Variants in DNAH11 observed in about 807,000 individuals in gnomAD.
DNAH11 encodes dynein axonemal heavy chain 11.
Under a neutral mutation model 526.0 loss-of-function variants are expected in DNAH11, and 442 were observed. The observed-to-expected ratio is 0.84, with a 90% CI of 0.78 to 0.91. DNAH11 has a LOEUF of 0.91. Among genes scored for constraint, DNAH11 ranks in the 40% least tolerant of loss-of-function variants. DNAH11 has a pLI of 0.00. For synonymous variants in DNAH11, 2,461 were observed against 1,935.9 expected, an observed-to-expected ratio of 1.27 and a Z score of -7.12; for missense variants, 6,989 against 5,448.7, an observed-to-expected ratio of 1.28 and a Z score of -8.90.
At chr7:21,819,479 A>T (rs1282256118) in intron 65 of DNAH11, among the ~76,000 whole-genome samples, 1 of 152,232 alleles carries the variant, frequency 6.6e-6, no homozygotes, top group Non-Finnish European at 1.5e-5. Context: ...GCAACTCTTA[A>T]CATAAATATA....
intron 30 of DNAH11, among the ~76,000 whole-genome samples, chr7:21,664,413 G>GC (rs1782350434): frequency 6.7e-6 from 1 of 149,384 alleles, no homozygotes; most frequent in Admixed American, 6.7e-5. Flanking sequence ...CCTCGCCCCC[G>GC]CCCCCGCAAT....
chr7:21,772,165 CA>C (rs1008968460), intron 55 of DNAH11, among the ~76,000 whole-genome samples: 2 of 152,140 alleles, frequency 1.3e-5, no homozygotes, highest in Admixed American at 1.3e-4. Flanking sequence ...AGCCTGATAA[CA>C]ATAGTTATTT....
chr7:21,775,152 C>A (rs1787617936), intron 56 of DNAH11, among the ~76,000 whole-genome samples: 1 of 152,064 alleles, frequency 6.6e-6, no homozygotes, highest in Non-Finnish European at 1.5e-5. Flanking sequence ...GACTCTGTGA[C>A]AAAACACTGT....
chr7:21,899,205 G>A (rs1784645463), intron 79 of DNAH11, 131 bp from the exon 80 acceptor site: 1 of 715,460 alleles, frequency 1.4e-6, no homozygotes, highest in Non-Finnish European at 2.5e-6. Flanking sequence ...TGTCAGGGAA[G>A]GATTTTACCA....
At chr7:21,870,919 G>A (rs1254453863) in intron 73 of DNAH11, among the ~76,000 whole-genome samples, 2 of 152,194 alleles carry the variant, frequency 1.3e-5, no homozygotes, top group Non-Finnish European at 2.9e-5. Context: ...CCATCCCAGT[G>A]TCTAGAAGTT....
intron 45 of DNAH11, among the ~76,000 whole-genome samples, chr7:21,732,256 C>T (rs1188122661): frequency 6.6e-6 from 1 of 152,218 alleles, no homozygotes; most frequent in Non-Finnish European, 1.5e-5. Context: ...TTTCTCTCTG[C>T]ATCCTCACAT....
At chr7:21,816,315 A>C (rs1474096470) in intron 63 of DNAH11, among the ~76,000 whole-genome samples, 152 bp from the exon 64 acceptor site, 3 of 152,208 alleles carry the variant, frequency 2.0e-5, no homozygotes, top group Non-Finnish European at 2.9e-5. Flanking sequence ...ATTGCATCTA[A>C]TGATGAGTTG....
chr7:21,795,301 G>T (rs1439898186), intron 61 of DNAH11, among the ~76,000 whole-genome samples: 2 of 152,188 alleles, frequency 1.3e-5, no homozygotes, highest in African/African-American at 2.4e-5. Flanking sequence ...CCTTTGCTGT[G>T]TACTAATACT....
At chr7:21,551,135 C>G (rs540352129) in intron 2 of DNAH11, among the ~76,000 whole-genome samples, 2 of 152,272 alleles carry the variant, frequency 1.3e-5, no homozygotes, top group South Asian at 4.1e-4. Context: ...ACTTATTTCT[C>G]TCCCATCAAG....
rs372436526 is a variant in DNAH11 at position 21,738,786 on chromosome 7, C to G, written c.7731C>G (p.Asp2577Glu). 4 of 1,599,518 alleles carry G rather than the reference C, an allele frequency of 2.5e-6. No homozygotes were observed. The highest frequency in any genetic ancestry group is 3.4e-6 in the Non-Finnish European group (4 of 1,172,540). Reference protein sequence around the residue: ...GNKKLIYFIDDMNMPEVDLYG... With the variant: ...GNKKLIYFIDEMNMPEVDLYG... ...AAAAATTGATTTATTTTATCGACGA[C>G]ATGAACATGCCTGAAGTGGACTTAT... The change falls in exon 47 of 82, where the codon GAC becomes GAG. Residue 2577 changes from aspartate to glutamate, a missense_variant. Coordinates refer to ENST00000409508, the MANE Select transcript of DNAH11 (RefSeq NM_001277115.2).
At chr7:21,692,086 A>G (rs1475356297) in intron 35 of DNAH11, among the ~76,000 whole-genome samples, 2 of 152,212 alleles carry the variant, frequency 1.3e-5, no homozygotes, top group South Asian at 2.1e-4. Flanking sequence ...TCATTCAGGT[A>G]TCATTTTTTT....
intron 42 of DNAH11, among the ~76,000 whole-genome samples, chr7:21,717,024 C>A (rs372865303): frequency 6.6e-6 from 1 of 152,088 alleles, no homozygotes; most frequent in Admixed American, 6.6e-5. Flanking sequence ...ATTCCCCATG[C>A]TTCATCCTTA....
chr7:21,735,103 G>A (rs1013021498), intron 45 of DNAH11, among the ~76,000 whole-genome samples: 14 of 149,270 alleles, frequency 9.4e-5, no homozygotes, highest in African/African-American at 1.7e-4. Flanking sequence ...TCAGGAAGTC[G>A]AGGCTGCAGT....
At chr7:21,684,640 G>C (rs528939379) in intron 32 of DNAH11, among the ~76,000 whole-genome samples, 4 of 152,192 alleles carry the variant, frequency 2.6e-5, no homozygotes, top group Non-Finnish European at 4.4e-5. Flanking sequence ...GCAAGAGCAA[G>C]GACAAAGTTT....
chr7:21,699,983 C>G (rs1583605913), intron 36 of DNAH11, among the ~76,000 whole-genome samples: 1 of 152,020 alleles, frequency 6.6e-6, no homozygotes, highest in East Asian at 1.9e-4. Flanking sequence ...AAAAGATTAT[C>G]AGAGTTTTCA....
intron 76 of DNAH11, among the ~76,000 whole-genome samples, chr7:21,891,644 T>C (rs35907340): frequency 0.2 from 29,911 of 152,072 alleles, 3,586 homozygotes; most frequent in Non-Finnish European, 0.27. Flanking sequence ...CTAAATTGAA[T>C]GTCTACCCTC....
intron 35 of DNAH11, 26 bp downstream of exon 35, chr7:21,690,907 C>T (rs758584979): frequency 1.9e-6 from 3 of 1,541,576 alleles, no homozygotes; most frequent in African/African-American, 2.7e-5. Context: ...TGTGGCTTAG[C>T]ATCTGGTGCA....
chr7:21,608,148 AC>A (rs1406472183), intron 20 of DNAH11, among the ~76,000 whole-genome samples: 1 of 151,826 alleles, frequency 6.6e-6, no homozygotes, highest in Non-Finnish European at 1.5e-5. Context: ...CTTATTCTTA[AC>A]CCTGGACATG....
At chr7:21,670,536 T>C (rs1782604130) in intron 30 of DNAH11, among the ~76,000 whole-genome samples, 1 of 152,310 alleles carries the variant, frequency 6.6e-6, no homozygotes, top group Middle Eastern at 3.4e-3. Context: ...ATTTCCTTTT[T>C]TTGAGCTATT....
Sources: allele counts gnomAD v4.1 joint callset (sites outside exome capture counted in the v4.1 genomes callset), GRCh38; gene constraint gnomAD v4.1.1; transcripts MANE v1.5; gene names NCBI Gene and HGNC (gene_info 2026-07-23, HGNC 2026-07-21).